CDC42SE2: variants seen among roughly 807,000 people sequenced by gnomAD.
CDC42SE2 encodes the protein CDC42 small effector 2, also known as CDC42 small effector protein 2.
Under a neutral mutation model 11.5 loss-of-function variants are expected in CDC42SE2, and 3 were observed. The ratio of observed to expected loss-of-function variants is 0.26; its 90% CI spans 0.12 to 0.67. The LOEUF is 0.67. Ranked by LOEUF, CDC42SE2 falls within the 30% of genes least tolerant of loss-of-function variation. The pLI is 0.80. For missense variants in CDC42SE2, 82 were observed against 106.8 expected (o/e 0.77, Z 1.02); for synonymous variants, 33 against 34.8 (o/e 0.95, Z 0.18).
At chr5:131,291,820 A>G (rs1757463054) in intron 1 of CDC42SE2, among the ~76,000 whole-genome samples, 1 of 152,184 alleles carries the variant, frequency 6.6e-6, no homozygotes, top group South Asian at 2.1e-4. Flanking sequence ...TTTCTTTGGT[A>G]AGTTAAGGGT....
intron 2 of CDC42SE2, among the ~76,000 whole-genome samples, chr5:131,338,935 A>T (rs1758641980): frequency 6.6e-6 from 1 of 152,160 alleles, no homozygotes; most frequent in Non-Finnish European, 1.5e-5. Flanking sequence ...GCAGTAGCAA[A>T]TGTGAACTGC....
At chr5:131,240,560 G>A (rs896040054), upstream of CDC42SE2, among the ~76,000 whole-genome samples, 4 of 152,290 alleles carry the variant, frequency 2.6e-5, no homozygotes, top group Middle Eastern at 3.4e-3. Context: ...TTCTCCAAGA[G>A]TAAACATCCT....
At chr5:131,292,906 C>CAAAAAAAAAAAAA (rs869300653) in intron 1 of CDC42SE2, among the ~76,000 whole-genome samples, 6 of 58,898 alleles carry the variant, frequency 1.0e-4, no homozygotes, top group African/African-American at 3.0e-4. Context: ...GACCCTGTCT[C>CAAAAAAAAAAAAA]AAAAAAAAAA....
chr5:131,344,335 G>A (rs1487575090), intron 2 of CDC42SE2, among the ~76,000 whole-genome samples: 1 of 152,148 alleles, frequency 6.6e-6, no homozygotes. Flanking sequence ...TTAGCAAAAG[G>A]CACACCAGGA....
intron 3 of CDC42SE2, among the ~76,000 whole-genome samples, chr5:131,368,113 C>T (rs944151410): frequency 2.0e-5 from 3 of 151,846 alleles, no homozygotes; most frequent in African/African-American, 4.8e-5. Context: ...AATAGCTGGG[C>T]GTGGTGGCGG....
At chr5:131,355,630 A>T (rs1454524337) in intron 2 of CDC42SE2, among the ~76,000 whole-genome samples, 1 of 152,182 alleles carries the variant, frequency 6.6e-6, no homozygotes, top group Admixed American at 6.5e-5. Flanking sequence ...CAAAGTCCAA[A>T]TTCTGAATTT....
At chr5:131,233,118 T>C in the CDC42SE2 span, among the ~76,000 whole-genome samples, 60 of 152,216 alleles carry the variant, frequency 3.9e-4, no homozygotes, top group Middle Eastern at 3.4e-3. Context: ...GTATATATTT[T>C]TTCCTTTCTC....
At chr5:131,253,627 TG>T in intron 1 of CDC42SE2, among the ~76,000 whole-genome samples, 1 of 152,166 alleles carries the variant, frequency 6.6e-6, no homozygotes, top group East Asian at 1.9e-4. Context: ...TAGCTGGGCA[TG>T]GTGGCACATG....
At chr5:131,255,147 A>T (rs557046182) in exon 2 of CDC42SE2, 1 of 152,348 alleles carries the variant, frequency 6.6e-6, no homozygotes, top group East Asian at 1.9e-4. Flanking sequence ...AAAGTCTAGT[A>T]CTAAGCTGTC....
intron 4 of CDC42SE2, among the ~76,000 whole-genome samples, chr5:131,388,109 C>G (rs1229075296): frequency 6.6e-6 from 1 of 152,110 alleles, no homozygotes; most frequent in Non-Finnish European, 1.5e-5. Flanking sequence ...GCAATCCTGT[C>G]TCAGCCTCCT....
At chr5:131,336,725 C>G (rs541902928) in intron 2 of CDC42SE2, among the ~76,000 whole-genome samples, 115 of 152,266 alleles carry the variant, frequency 7.6e-4, no homozygotes, top group South Asian at 6.4e-3. Context: ...TTCATTTCAT[C>G]TTCCATCACT....
At chr5:131,316,254 AGAG>A (rs1758037309) in intron 2 of CDC42SE2, 110 bp downstream of exon 2, 2 of 152,492 alleles carry the variant, frequency 1.3e-5, no homozygotes, top group Admixed American at 1.3e-4. Flanking sequence ...TTTATATTAC[AGAG>A]GAGGACAGCA....
intron 3 of CDC42SE2, among the ~76,000 whole-genome samples, chr5:131,376,924 C>T (rs575997765): frequency 3.3e-5 from 5 of 152,196 alleles, no homozygotes; most frequent in East Asian, 1.9e-4. Flanking sequence ...CATGACTTTG[C>T]GATTGTGAAT....
the CDC42SE2 span, among the ~76,000 whole-genome samples, chr5:131,224,593 C>G: frequency 6.6e-6 from 1 of 152,066 alleles, no homozygotes; most frequent in African/African-American, 2.4e-5. Context: ...AACCTCCTCC[C>G]TATCTCTCTT....
chr5:131,345,195 A>G (rs1214426378), intron 2 of CDC42SE2, among the ~76,000 whole-genome samples: 2 of 151,398 alleles, frequency 1.3e-5, no homozygotes, highest in Non-Finnish European at 3.0e-5. Flanking sequence ...ATCGGTAATA[A>G]TAAACTTCTC....
intron 4 of CDC42SE2, among the ~76,000 whole-genome samples, chr5:131,386,904 C>T (rs1209876480): frequency 6.6e-6 from 1 of 152,190 alleles, no homozygotes; most frequent in African/African-American, 2.4e-5. Context: ...GATGGGTATC[C>T]TGGATACAGC....
chr5:131,342,519 A>T (rs577990780), intron 2 of CDC42SE2, among the ~76,000 whole-genome samples: 1 of 146,318 alleles, frequency 6.8e-6, no homozygotes, highest in South Asian at 2.2e-4. Context: ...CCTCCCGAGT[A>T]GCTGGGATAC....
the CDC42SE2 span, among the ~76,000 whole-genome samples, chr5:131,239,673 C>T: frequency 6.6e-6 from 1 of 152,096 alleles, no homozygotes. Context: ...CTGCCAGGCA[C>T]CCTAGGTATT....
chr5:131,217,380 A>G, the CDC42SE2 span, among the ~76,000 whole-genome samples: 1 of 152,240 alleles, frequency 6.6e-6, no homozygotes, highest in Admixed American at 6.5e-5. Context: ...TTGGCAATTT[A>G]GAGCATTCCA....
Sources: allele counts gnomAD v4.1 joint callset (sites outside exome capture counted in the v4.1 genomes callset), GRCh38; gene constraint gnomAD v4.1.1; transcripts MANE v1.5; gene names NCBI Gene and HGNC (gene_info 2026-07-23, HGNC 2026-07-21).